The following LPAR1 variants were observed in gnomAD, a reference collection of about 807,000 sequenced individuals.
The protein encoded by LPAR1 is lysophosphatidic acid receptor 1.
In LPAR1, 5 loss-of-function variants were observed where a neutral mutation model predicts 23.8. That is an observed-to-expected ratio of 0.21 (90% CI 0.11 to 0.44). The LOEUF (loss-of-function observed/expected upper bound fraction) is 0.44. LPAR1 is among the 20% of genes least tolerant of loss of function. The probability of loss-of-function intolerance (pLI) is 0.99; values close to 1 mark genes in which losing one functional copy is unlikely to be tolerated. For synonymous variants in LPAR1, 160 were observed against 164.7 expected (o/e 0.97, Z 0.22); for missense variants, 311 against 482.8 (o/e 0.64, Z 3.33).
At chr9:110,927,345 C>T (rs185477185) in intron 5 of LPAR1, among the ~76,000 whole-genome samples, 1 of 151,754 alleles carries the variant, frequency 6.6e-6, no homozygotes, top group South Asian at 2.1e-4. Context: ...ATTCATTATC[C>T]AATATGATCC....
chr9:110,986,397 T>C (rs1316317559), intron 2 of LPAR1, among the ~76,000 whole-genome samples: 1 of 152,046 alleles, frequency 6.6e-6, no homozygotes, highest in Non-Finnish European at 1.5e-5. Context: ...AGTAAGTGCA[T>C]GTTTCTAACA....
rs2097940355 is a variant in LPAR1 at position 111,038,380 on chromosome 9, C to T, written c.-475G>A. 5.4e-6 allele frequency: 1 copy of T among 186,752 alleles called. No homozygotes were observed. Among genetic ancestry groups the T allele is most frequent in the African/African-American group, 2.4e-5 (1 of 41,440 alleles). 11.6% of individuals were successfully genotyped at this position (186,752 alleles called of 1,614,324 possible). On this transcript the variant is annotated 5_prime_UTR_variant, in exon 1 of 6. Transcript: ENST00000683809. The surrounding 1 kb of genome is among the most constrained non-coding windows in gnomAD (Gnocchi z 4.4). ...CGGGGAGGGCTCCGCGGCTCCGGGC[C>T]CTGGCCGCCCCAGATCCGGCCCGCG...
chr9:111,004,837 T>A (rs1179312523), intron 2 of LPAR1, among the ~76,000 whole-genome samples: 2 of 152,326 alleles, frequency 1.3e-5, no homozygotes, highest in East Asian at 3.9e-4. Context: ...CATTCCAGAA[T>A]GTAGTCCAAC....
chr9:110,905,596 G>A lies in LPAR1; in HGVS notation c.794-29874C>T, dbSNP rs1019787269. Reference sequence around the variant, plus strand: ...TCTCGAACTCCAGACCTCATGATCCGCCCACCTCGGCCTCCCAAAGTGCTG... The same window carrying A: ...TCTCGAACTCCAGACCTCATGATCCACCCACCTCGGCCTCCCAAAGTGCTG... On this transcript the variant is annotated intron_variant, in intron 5 of 5. Coordinates refer to ENST00000683809, the MANE Select transcript of LPAR1 (RefSeq NM_001351411.2). Among the ~76,000 whole-genome samples the A allele has an allele frequency of 4.6e-5, 7 of 151,884 alleles. No homozygotes were observed. The South Asian group carries it at 6.2e-4, about 14-fold the overall frequency.
chr9:110,974,227 T>A (rs2096498286), intron 2 of LPAR1, among the ~76,000 whole-genome samples: 2 of 152,146 alleles, frequency 1.3e-5, no homozygotes, highest in South Asian at 4.1e-4. Flanking sequence ...TACTTCCTAG[T>A]TTCACCAACA....
chr9:111,014,629 C>T (rs62570359), intron 2 of LPAR1, among the ~76,000 whole-genome samples: 26,608 of 152,064 alleles, frequency 0.17, 2,980 homozygotes, highest in African/African-American at 0.31. Context: ...GCCCCCTGCA[C>T]ATGGCATGTT....
At chr9:110,899,777 A>C (rs899005993) in intron 5 of LPAR1, among the ~76,000 whole-genome samples, 1 of 152,194 alleles carries the variant, frequency 6.6e-6, no homozygotes, top group Non-Finnish European at 1.5e-5. Context: ...CTTTGAGTAC[A>C]TAAATTAACC....
intron 5 of LPAR1, among the ~76,000 whole-genome samples, chr9:110,915,357 T>G (rs969428052): frequency 6.6e-6 from 1 of 151,826 alleles, no homozygotes; most frequent in Non-Finnish European, 1.5e-5. Flanking sequence ...ACCAACATAG[T>G]GAAACCCCAT....
intron 5 of LPAR1, among the ~76,000 whole-genome samples, chr9:110,883,325 C>A (rs568740090): frequency 6.6e-6 from 1 of 152,126 alleles, no homozygotes; most frequent in Non-Finnish European, 1.5e-5. Flanking sequence ...CATGAGCCAC[C>A]GTGCCCGGCC....
chr9:110,931,738 A>G (rs1010722703), intron 5 of LPAR1, among the ~76,000 whole-genome samples: 1 of 152,226 alleles, frequency 6.6e-6, no homozygotes, highest in Admixed American at 6.5e-5. Flanking sequence ...CTTTCTACAT[A>G]TGGCTAGCCA....
rs145855083 is a variant in LPAR1, at chr9:110,998,705, G to A, written c.-181-25147C>T. Among the ~76,000 whole-genome samples, 10 of 152,220 alleles carry A rather than the reference G, an allele frequency of 6.6e-5. No individual in the cohort carries two copies. In the East Asian group the frequency reaches 1.2e-3, roughly 18 times the overall value. On this transcript the variant is annotated intron_variant, in intron 2 of 5. Coordinates refer to ENST00000683809, the MANE Select transcript of LPAR1 (RefSeq NM_001351411.2). The stretch of plus-strand genomic sequence containing the variant: ...CTGAATCTGAATTTTGGAGGGTGTC[G>A]CCCAAGGCAACAGATTTAGTTTTGA...
chr9:110,906,354 G>A (rs977195753), intron 5 of LPAR1, among the ~76,000 whole-genome samples: 20 of 151,994 alleles, frequency 1.3e-4, no homozygotes, highest in African/African-American at 4.3e-4. Flanking sequence ...ATAATATAAT[G>A]TTGACACTGG....
At chr9:111,003,376 A>G (rs1041074819) in intron 2 of LPAR1, among the ~76,000 whole-genome samples, 2 of 152,122 alleles carry the variant, frequency 1.3e-5, no homozygotes, top group Non-Finnish European at 2.9e-5. Flanking sequence ...ATCTCAAGTA[A>G]AAGCCCGCAA....
chr9:111,012,461 G>A (rs1043124974), intron 2 of LPAR1, among the ~76,000 whole-genome samples: 1 of 118,116 alleles, frequency 8.5e-6, no homozygotes. Context: ...ATGCATGTAC[G>A]CACGCGCGCA....
intron 4 of LPAR1, among the ~76,000 whole-genome samples, chr9:110,947,605 C>A (rs1006317806): frequency 6.6e-6 from 1 of 152,204 alleles, no homozygotes; most frequent in Admixed American, 6.5e-5. Context: ...ATTCATTCAT[C>A]CATGCACACA....
At position 111,019,256 on chromosome 9, in the gene LPAR1, C is replaced by T. The variant is rs535772236; in HGVS notation, c.-182+16866G>A. On this transcript the variant is annotated intron_variant, in intron 2 of 5. Transcript: ENST00000683809. ...GGAAGATTGCTTGAGCCCAGGAGTT[C>T]GAGACCAGCCTGGTCAACATCGCAA... Among the ~76,000 whole-genome samples the T allele has an allele frequency of 1.1e-4, 17 of 151,994 alleles. No homozygotes were observed. The Middle Eastern group carries it at 0.014, about 122-fold the overall frequency.
chr9:110,999,892 T>C (rs147484788), intron 2 of LPAR1, among the ~76,000 whole-genome samples: 1 of 152,218 alleles, frequency 6.6e-6, no homozygotes, highest in Non-Finnish European at 1.5e-5. Flanking sequence ...TATTTATTAA[T>C]AGTAGACACA....
intron 5 of LPAR1, among the ~76,000 whole-genome samples, chr9:110,930,171 C>T (rs562474183): frequency 1.3e-5 from 2 of 152,310 alleles, no homozygotes; most frequent in South Asian, 4.1e-4. Flanking sequence ...ACATACACGT[C>T]ACTGTCAATC....
chr9:110,963,592 G>A (rs1393782344), intron 4 of LPAR1, among the ~76,000 whole-genome samples: 1 of 151,978 alleles, frequency 6.6e-6, no homozygotes, highest in African/African-American at 2.4e-5. Context: ...ACACCAACAT[G>A]GCACATGTAT....
Sources: allele counts gnomAD v4.1 joint callset (sites outside exome capture counted in the v4.1 genomes callset), GRCh38; gene constraint gnomAD v4.1.1; non-coding constraint Gnocchi (gnomAD v3.1); transcripts MANE v1.5; gene names NCBI Gene and HGNC (gene_info 2026-07-23, HGNC 2026-07-21).